The following PSMA8 variants were observed in gnomAD, a reference collection of about 807,000 sequenced individuals.
The protein encoded by PSMA8 is proteasome subunit alpha-type 8.
A neutral mutation model predicts 32.4 loss-of-function variants in PSMA8; 18 were observed. That is an observed-to-expected ratio of 0.56 (90% CI 0.38 to 0.82). The LOEUF is 0.82. Ranked by LOEUF, PSMA8 falls within the 40% of genes least tolerant of loss-of-function variation. PSMA8 has a pLI of 0.00. For synonymous variants in PSMA8, 104 were observed against 98.1 expected, an observed-to-expected ratio of 1.06 and a Z score of -0.36; for missense variants, 298 against 300.7, an observed-to-expected ratio of 0.99 and a Z score of 0.07.
intron 4 of PSMA8, among the ~76,000 whole-genome samples, chr18:26,162,310 C>T (rs1393999374): frequency 6.6e-6 from 1 of 152,046 alleles, no homozygotes; most frequent in African/African-American, 2.4e-5. Context: ...ACTTTCCATC[C>T]CCTTTCCCTC....
At position 26,163,213 on chromosome 18, in the gene PSMA8, GTATATATATATATATATATATATATATA is replaced by G. The variant is rs58945617; in HGVS notation, c.477+4991_477+5018del. ...AGGTGGTGTGTGTTTATGTGTGTGT[GTATATATATATATATATATATATATATA>G]TATATATATATATATATATATGCTG... On this transcript the variant is annotated intron_variant, in intron 4 of 6. Coordinates refer to ENST00000415576, the MANE Select transcript of PSMA8 (RefSeq NM_001025096.2). Among the ~76,000 whole-genome samples the G allele has an allele frequency of 6.9e-4, 56 of 80,896 alleles. No individual in the cohort carries two copies. The East Asian group carries it at 9.8e-3, about 14-fold the overall frequency. The allele number at this position is 80,896 out of a possible 152,430, so 53.1% of individuals were successfully genotyped here.
intron 3 of PSMA8, among the ~76,000 whole-genome samples, 166 bp downstream of exon 3, chr18:26,152,148 G>A (rs1450529017): frequency 6.6e-6 from 1 of 151,718 alleles, no homozygotes; most frequent in East Asian, 1.9e-4. Context: ...CAGTAAAATG[G>A]ATTGATTTAA....
chr18:26,144,813 C>A, intron 2 of PSMA8, 128 bp downstream of exon 2: 1 of 752,952 alleles, frequency 1.3e-6, no homozygotes, highest in Admixed American at 3.0e-5. Context: ...ATATATCCTA[C>A]GTTTTAAAGC....
chr18:26,166,780 G>A (rs1364044613), intron 4 of PSMA8, among the ~76,000 whole-genome samples: 1 of 152,064 alleles, frequency 6.6e-6, no homozygotes, highest in Non-Finnish European at 1.5e-5. Flanking sequence ...GTTACTTTAA[G>A]GAAACAACTG....
intron 4 of PSMA8, among the ~76,000 whole-genome samples, chr18:26,173,418 T>C (rs1414828983): frequency 6.6e-6 from 1 of 152,214 alleles, no homozygotes; most frequent in Non-Finnish European, 1.5e-5. Flanking sequence ...TTCTCAATGC[T>C]CTTTATTTCC....
rs1379075528 is a variant in PSMA8, at chr18:26,144,408, T to C, written c.103-151T>C. The C allele has an allele frequency of 2.0e-5, 12 of 597,362 alleles. No individual in the cohort carries two copies. The Admixed American group carries it at 3.0e-4, about 15-fold the overall frequency. 37.0% of individuals were successfully genotyped at this position (597,362 alleles called of 1,614,324 possible). A position where few individuals can be genotyped will look rare whatever the true frequency, so the allele number is the denominator to read the frequency against. ...GGGGAATGGATCTCCAGTAAGCCTA[T>C]ACCTATGAAGCTGTTTTCTAGAAAG... On this transcript the variant is annotated intron_variant, in intron 1 of 6. Transcript: ENST00000415576.
intron 4 of PSMA8, among the ~76,000 whole-genome samples, chr18:26,176,562 T>C (rs2055265233): frequency 6.6e-6 from 1 of 152,254 alleles, no homozygotes; most frequent in South Asian, 2.1e-4. Flanking sequence ...TATATTGTTA[T>C]ATAATGTAAT....
chr18:26,147,788 G>C (rs537537791), intron 2 of PSMA8, among the ~76,000 whole-genome samples: 1 of 152,090 alleles, frequency 6.6e-6, no homozygotes, highest in South Asian at 2.1e-4. Flanking sequence ...TCTTTGAAAA[G>C]ATCAACAAAA....
intron 4 of PSMA8, among the ~76,000 whole-genome samples, chr18:26,175,196 G>A (rs1339873598): frequency 2.0e-5 from 3 of 152,148 alleles, no homozygotes; most frequent in African/African-American, 4.8e-5. Flanking sequence ...ATTTACTCTG[G>A]AAGTTAGCAA....
chr18:26,157,723 G>C (rs137931338), intron 3 of PSMA8, among the ~76,000 whole-genome samples: 1 of 152,140 alleles, frequency 6.6e-6, no homozygotes, highest in African/African-American at 2.4e-5. Context: ...GATAATAATA[G>C]TAACATTTAT....
intron 2 of PSMA8, among the ~76,000 whole-genome samples, chr18:26,150,038 GTTCCAAAATC>G (rs1191548077): frequency 6.6e-6 from 1 of 152,166 alleles, no homozygotes; most frequent in African/African-American, 2.4e-5. Flanking sequence ...AATCCAAAAT[GTTCCAAAATC>G]TGAAAATTTT....
At chr18:26,175,944 G>C (rs2055260515) in intron 4 of PSMA8, among the ~76,000 whole-genome samples, 1 of 152,294 alleles carries the variant, frequency 6.6e-6, no homozygotes, top group Middle Eastern at 3.4e-3. Context: ...TGTAAGAGAA[G>C]CTAGGAAGTG....
chr18:26,151,383 G>A (rs1004118949), intron 2 of PSMA8, among the ~76,000 whole-genome samples: 21 of 152,204 alleles, frequency 1.4e-4, no homozygotes, highest in Admixed American at 1.4e-3. Context: ...AACACATTCT[G>A]TCTCCTTACA....
At chr18:26,144,802 A>C (rs2054989369) in intron 2 of PSMA8, 117 bp downstream of exon 2, 1 of 912,004 alleles carries the variant, frequency 1.1e-6, no homozygotes, top group African/African-American at 1.7e-5. Flanking sequence ...TTCTACAAAC[A>C]ATATATCCTA....
chr18:26,168,488 G>GTTTTTTTTTTTTTTTTT (rs774062151), intron 4 of PSMA8, among the ~76,000 whole-genome samples: 3 of 67,674 alleles, frequency 4.4e-5, no homozygotes, highest in East Asian at 4.8e-4. Flanking sequence ...CTTTCCCCTT[G>GTTTTTTTTTTTTTTTTT]TTTTTTTTTT....
At chr18:26,176,328 C>T (rs924549080) in intron 4 of PSMA8, among the ~76,000 whole-genome samples, 5 of 152,118 alleles carry the variant, frequency 3.3e-5, no homozygotes, top group Non-Finnish European at 1.5e-5. Flanking sequence ...TATGTACTTC[C>T]TCTCTGGGTA....
At chr18:26,152,711 G>A (rs957848069) in intron 3 of PSMA8, among the ~76,000 whole-genome samples, 7 of 152,196 alleles carry the variant, frequency 4.6e-5, no homozygotes, top group Non-Finnish European at 8.8e-5. Context: ...TGATGTCACA[G>A]TGTTGAGAGG....
chr18:26,176,124 T>C (rs531898834), intron 4 of PSMA8, among the ~76,000 whole-genome samples: 12 of 148,584 alleles, frequency 8.1e-5, no homozygotes, highest in Admixed American at 3.3e-4. Context: ...GGGTGGGTGA[T>C]GGGGCAAGGG....
chr18:26,134,204 T>G, intron 1 of PSMA8, 137 bp downstream of exon 1: 1 of 640,134 alleles, frequency 1.6e-6, no homozygotes, highest in Non-Finnish European at 2.7e-6. Flanking sequence ...ACTTTGTTCT[T>G]TTTATTTAGG....
Sources: gnomAD v4.1 joint callset for allele counts (sites outside exome capture counted in the v4.1 genomes callset) on GRCh38, gnomAD v4.1.1 for gene constraint, MANE v1.5 for transcripts, NCBI Gene and HGNC (gene_info 2026-07-23, HGNC 2026-07-21) for gene names.